Variants in ZSCAN5A observed in about 807,000 individuals in gnomAD.
The protein encoded by ZSCAN5A is zinc finger and SCAN domain containing 5A.
In ZSCAN5A, 12 loss-of-function variants were observed where a neutral mutation model predicts 23.7. The ratio of observed to expected loss-of-function variants is 0.51; its 90% CI spans 0.32 to 0.82. The LOEUF (loss-of-function observed/expected upper bound fraction) is 0.82. Ranked by LOEUF, ZSCAN5A falls within the 40% of genes least tolerant of loss-of-function variation. The pLI, the probability that ZSCAN5A is intolerant of heterozygous loss-of-function variation, is 0.03. For synonymous variants in ZSCAN5A, 257 were observed against 239.9 expected (o/e 1.07, Z -0.66); for missense variants, 597 against 617.9 (o/e 0.97, Z 0.36).
intron 2 of ZSCAN5A, among the ~76,000 whole-genome samples, chr19:56,341,707 A>AAAAAAC (rs2041594021): frequency 8.0e-6 from 1 of 124,680 alleles, no homozygotes; most frequent in African/African-American, 3.1e-5. Context: ...AAAGGCAAAA[A>AAAAAAC]AAAAAAAAAA....
rs28493243 is a variant in ZSCAN5A at position 56,244,555 on chromosome 19, A to G, written c.-127-19382T>C. On this transcript the variant is annotated intron_variant, in intron 2 of 5. Transcript: ENST00000683990. ...CTTCCAAGTAGAGGAGAGTTTGCCC[A>G]TCAGGGACACATGGCAGTGTCTGGG... The G allele has an allele frequency of 5.2e-3, 5,868 of 1,117,876 alleles. 349 individuals carry two copies. In the African/African-American group the frequency reaches 0.09, roughly 17 times the overall value. 69.2% of individuals were successfully genotyped at this position (1,117,876 alleles called of 1,614,324 possible).
intron 2 of ZSCAN5A, chr19:56,299,878 T>C (rs1244462979): frequency 6.6e-6 from 1 of 152,224 alleles, no homozygotes; most frequent in Admixed American, 6.5e-5. Flanking sequence ...ACATGTTCCC[T>C]CTGAGATCAC....
At chr19:56,330,351 G>C (rs959906806) in intron 2 of ZSCAN5A, among the ~76,000 whole-genome samples, 2 of 152,156 alleles carry the variant, frequency 1.3e-5, no homozygotes, top group Non-Finnish European at 2.9e-5. Flanking sequence ...TATAAAACCA[G>C]TAATGAATTG....
At chr19:56,277,123 A>T (rs1458459895) in intron 2 of ZSCAN5A, among the ~76,000 whole-genome samples, 1 of 152,186 alleles carries the variant, frequency 6.6e-6, no homozygotes, top group Non-Finnish European at 1.5e-5. Flanking sequence ...CTGCTTTGGA[A>T]AACAGTCTGG....
intron 2 of ZSCAN5A, among the ~76,000 whole-genome samples, chr19:56,305,165 A>G (rs2040601979): frequency 6.6e-6 from 1 of 152,168 alleles, no homozygotes; most frequent in Non-Finnish European, 1.5e-5. Context: ...AGTACACTCA[A>G]AATATTGTGT....
chr19:56,238,714 A>G, intron 2 of ZSCAN5A, among the ~76,000 whole-genome samples: 2 of 152,132 alleles, frequency 1.3e-5, no homozygotes, highest in Non-Finnish European at 2.9e-5. Flanking sequence ...TGATGAGAGG[A>G]AATGAAGAGG....
At chr19:56,359,192 TAAA>T (rs1437879968) in intron 2 of ZSCAN5A, among the ~76,000 whole-genome samples, 4 of 149,410 alleles carry the variant, frequency 2.7e-5, no homozygotes, top group African/African-American at 9.9e-5. Flanking sequence ...GCTAGACTAA[TAAA>T]GAAAAAAAGA....
At chr19:56,292,753 A>G (rs146615917) in intron 2 of ZSCAN5A, among the ~76,000 whole-genome samples, 12 of 151,990 alleles carry the variant, frequency 7.9e-5, no homozygotes, top group Admixed American at 1.3e-4. Context: ...GGCAACCACC[A>G]TTTCACTTTC....
intron 2 of ZSCAN5A, among the ~76,000 whole-genome samples, chr19:56,234,153 G>A (rs2034689491): frequency 6.6e-6 from 1 of 152,208 alleles, no homozygotes; most frequent in Non-Finnish European, 1.5e-5. Flanking sequence ...ATGAGGCAGA[G>A]AAATTGGTAA....
intron 2 of ZSCAN5A, among the ~76,000 whole-genome samples, chr19:56,333,878 T>C (rs1295428875): frequency 6.6e-6 from 1 of 151,388 alleles, no homozygotes; most frequent in East Asian, 1.9e-4. Context: ...TATATAAGAA[T>C]CTTGTCTGCA....
At chr19:56,346,892 C>T (rs933191945) in intron 2 of ZSCAN5A, among the ~76,000 whole-genome samples, 15 of 151,886 alleles carry the variant, frequency 9.9e-5, no homozygotes, top group African/African-American at 3.6e-4. Flanking sequence ...CATGCCCGGC[C>T]AATTTTTTGT....
At chr19:56,252,351 A>G (rs2036405325) in intron 2 of ZSCAN5A, among the ~76,000 whole-genome samples, 1 of 152,202 alleles carries the variant, frequency 6.6e-6, no homozygotes, top group Non-Finnish European at 1.5e-5. Flanking sequence ...AAAAAGGATT[A>G]CACCACCCAA....
intron 2 of ZSCAN5A, among the ~76,000 whole-genome samples, chr19:56,333,469 T>C (rs1406695215): frequency 2.6e-5 from 4 of 152,006 alleles, no homozygotes; most frequent in Non-Finnish European, 5.9e-5. Context: ...TGAAATTCCT[T>C]AATTGAGCTT....
At chr19:56,320,681 G>A in intron 2 of ZSCAN5A, 1 of 790,130 alleles carries the variant, frequency 1.3e-6, no homozygotes, top group South Asian at 1.3e-5. Context: ...GGTGGTGCAG[G>A]AATACTCCTT....
chr19:56,256,979 A>G (rs1042701550), intron 2 of ZSCAN5A, among the ~76,000 whole-genome samples: 23 of 152,240 alleles, frequency 1.5e-4, no homozygotes, highest in African/African-American at 5.3e-4. Context: ...GGGAAGGGGA[A>G]ATTAAATGCT....
intron 2 of ZSCAN5A, chr19:56,284,932 A>C: frequency 1.2e-6 from 1 of 830,422 alleles, no homozygotes; most frequent in Non-Finnish European, 1.5e-6. Context: ...ACTGGGAGAA[A>C]TCCATTAATT....
At chr19:56,368,232 CTT>C (rs904032380) in exon 1 of ZSCAN5A, 2 of 152,402 alleles carry the variant, frequency 1.3e-5, no homozygotes, top group African/African-American at 4.8e-5. Flanking sequence ...TAGCTCGTCT[CTT>C]AGCCATGTAC....
intron 2 of ZSCAN5A, among the ~76,000 whole-genome samples, chr19:56,239,810 C>CCTTTA (rs56165823): frequency 0.14 from 21,822 of 152,070 alleles, 1,699 homozygotes; most frequent in Non-Finnish European, 0.18. Flanking sequence ...CTTAACATGT[C>CCTTTA]CTTTATTTGT....
intron 2 of ZSCAN5A, among the ~76,000 whole-genome samples, chr19:56,226,720 A>G (rs1321006298): frequency 7.9e-5 from 12 of 152,214 alleles, no homozygotes; most frequent in Admixed American, 7.2e-4. Flanking sequence ...GGGCAGGTAC[A>G]CAGAGGAAAG....
Sources: allele counts gnomAD v4.1 joint callset (sites outside exome capture counted in the v4.1 genomes callset), GRCh38; gene constraint gnomAD v4.1.1; transcripts MANE v1.5; gene names NCBI Gene and HGNC (gene_info 2026-07-23, HGNC 2026-07-21).